The following ELF2 variants were observed in gnomAD, a reference collection of about 807,000 sequenced individuals.
The protein encoded by ELF2 is ETS-related transcription factor Elf-2.
ELF2 carries 11 observed loss-of-function variants against 54.8 expected under a neutral mutation model. That is an observed-to-expected ratio of 0.20 (90% CI 0.13 to 0.33). The LOEUF (loss-of-function observed/expected upper bound fraction) is 0.33, where lower values mean the gene tolerates loss of function less well. Among genes scored for constraint, ELF2 ranks in the 10% least tolerant of loss-of-function variants. ELF2 has a pLI of 1.00. For synonymous variants in ELF2, 203 were observed against 245.1 expected, an observed-to-expected ratio of 0.83 and a Z score of 1.61; for missense variants, 513 against 703.0, an observed-to-expected ratio of 0.73 and a Z score of 3.06.
chr4:139,102,236 A>G (rs978327065), intron 4 of ELF2: 4 of 151,996 alleles, frequency 2.6e-5, no homozygotes, highest in Admixed American at 2.6e-4. Flanking sequence ...TATAAGAAGT[A>G]TCAGGGCCGG....
In ELF2 at chr4:139,075,617, C is replaced by T. The variant is rs1451671225; in HGVS notation, c.239-2050G>A. ...ATTAATTTTTGTATTTTAGTAGAGA[C>T]GGGGTTTCACCATGTTGGCCAGGCT... On this transcript the variant is annotated intron_variant, in intron 4 of 9. Transcript: ENST00000686138. 5.3e-5 allele frequency among the ~76,000 whole-genome samples: 8 copies of T among 152,066 alleles called. No individual in the cohort carries two copies. The East Asian group carries it at 1.6e-3, about 29-fold the overall frequency.
At chr4:139,111,383 C>G (rs1476645000) in intron 4 of ELF2, among the ~76,000 whole-genome samples, 1 of 151,326 alleles carries the variant, frequency 6.6e-6, no homozygotes, top group Non-Finnish European at 1.5e-5. Flanking sequence ...CAGGGTCTTG[C>G]TTGTTTGCCC....
intron 4 of ELF2, among the ~76,000 whole-genome samples, chr4:139,086,173 A>T (rs1211658415): frequency 6.6e-6 from 1 of 151,782 alleles, no homozygotes; most frequent in East Asian, 1.9e-4. Context: ...AGAAAAATGG[A>T]AGAAAAAAGT....
chr4:139,171,748 C>A (rs1314198555), intron 1 of ELF2, among the ~76,000 whole-genome samples: 1 of 152,106 alleles, frequency 6.6e-6, no homozygotes, highest in Non-Finnish European at 1.5e-5. Flanking sequence ...CATGGTGAAA[C>A]CCCGTCTCCA....
rs1224086302 is a variant in ELF2 at position 139,084,124 on chromosome 4, T to C, written c.239-10557A>G. The C allele has an allele frequency of 3.7e-6, 6 of 1,613,314 alleles. No homozygotes were observed. In the East Asian group the frequency reaches 6.7e-5, roughly 18 times the overall value. On this transcript the variant is annotated intron_variant, in intron 4 of 9. Coordinates refer to ENST00000686138, the MANE Select transcript of ELF2 (RefSeq NM_001331036.3). ...CCGATGCACGGGAGAAAAGTTCCCC[T>C]GTCCTTACCGGCCCGGATGAGCAGA...
Position 139,057,933 on chromosome 4 carries a change from A to G in ELF2, c.*1050T>C, listed in dbSNP as rs1727253799. Reference sequence around the variant, plus strand: ...AAACAAGAGTACAACAAAATAGAATATACTTCAAATGTTGAATATACAAAC... The same window carrying G: ...AAACAAGAGTACAACAAAATAGAATGTACTTCAAATGTTGAATATACAAAC... On this transcript the variant is annotated 3_prime_UTR_variant, in exon 10 of 10. Transcript: ENST00000686138. 1 of 152,644 alleles carries G rather than the reference A, an allele frequency of 6.6e-6. No homozygotes were observed. 9.5% of individuals were successfully genotyped at this position (152,644 alleles called of 1,614,324 possible).
intron 1 of ELF2, chr4:139,155,366 T>C (rs958571529): frequency 6.6e-6 from 1 of 152,198 alleles, no homozygotes; most frequent in African/African-American, 2.4e-5. Flanking sequence ...TCAAAACTCT[T>C]ATGCTGATCA....
At chr4:139,084,383 C>T in intron 4 of ELF2, 1 of 1,452,254 alleles carries the variant, frequency 6.9e-7, no homozygotes, top group Non-Finnish European at 9.1e-7. Context: ...CGCCTCCCGC[C>T]GCCGGGCTGA....
chr4:139,150,056 G>A (rs142221240), intron 1 of ELF2, among the ~76,000 whole-genome samples: 2,379 of 151,792 alleles, frequency 0.016, 29 homozygotes, highest in Non-Finnish European at 0.022. Flanking sequence ...TTAGCTGGGC[G>A]TGGCCAGGCA....
intron 1 of ELF2, among the ~76,000 whole-genome samples, chr4:139,174,241 T>A (rs534460423): frequency 5.7e-4 from 86 of 150,386 alleles, no homozygotes; most frequent in African/African-American, 2.0e-3. Flanking sequence ...GAAAATAGAT[T>A]TTAAAAAAAA....
chr4:139,121,179 G>GTT (rs546646387), intron 4 of ELF2, among the ~76,000 whole-genome samples: 1,392 of 138,084 alleles, frequency 0.01, 12 homozygotes, highest in Non-Finnish European at 0.016. Context: ...CGCGATCTCG[G>GTT]CTCACTGCAA....
At chr4:139,112,466 G>C (rs1282255483) in intron 4 of ELF2, among the ~76,000 whole-genome samples, 1 of 152,200 alleles carries the variant, frequency 6.6e-6, no homozygotes, top group African/African-American at 2.4e-5. Context: ...CTGGGACATT[G>C]CAGGTCCTCA....
chr4:139,135,934 G>T (rs992026726), intron 3 of ELF2, among the ~76,000 whole-genome samples: 6 of 152,182 alleles, frequency 3.9e-5, no homozygotes, highest in African/African-American at 9.7e-5. Context: ...AAAATATAAG[G>T]AGTATTCCAG....
intron 9 of ELF2, among the ~76,000 whole-genome samples, 154 bp downstream of exon 9, chr4:139,060,170 A>G (rs1727620342): frequency 6.6e-6 from 1 of 152,206 alleles, no homozygotes; most frequent in Non-Finnish European, 1.5e-5. Flanking sequence ...TTTAACAACA[A>G]TAAAAAATAT....
At chr4:139,124,612 T>A (rs1282525941) in intron 4 of ELF2, among the ~76,000 whole-genome samples, 4 of 152,216 alleles carry the variant, frequency 2.6e-5, no homozygotes, top group Non-Finnish European at 5.9e-5. Context: ...CTAAGAATTA[T>A]AGATACTAAT....
chr4:139,170,310 G>GCTGGA (rs1288206062), intron 1 of ELF2, among the ~76,000 whole-genome samples: 2 of 130,314 alleles, frequency 1.5e-5, no homozygotes, highest in Non-Finnish European at 3.1e-5. Context: ...TGTTGCCCAG[G>GCTGGA]CTGGAGTGCA....
intron 1 of ELF2, among the ~76,000 whole-genome samples, chr4:139,175,133 G>A (rs1742775256): frequency 6.6e-6 from 1 of 152,150 alleles, no homozygotes; most frequent in East Asian, 1.9e-4. Flanking sequence ...ATATCATCGT[G>A]AAGCTGTTAC....
chr4:139,136,199 G>T (rs1204698565), intron 3 of ELF2, among the ~76,000 whole-genome samples: 2 of 152,152 alleles, frequency 1.3e-5, no homozygotes, highest in Non-Finnish European at 1.5e-5. Context: ...TGAATCTTGA[G>T]GGAAGAAATA....
At chr4:139,083,438 G>T (rs1167525345) in intron 4 of ELF2, among the ~76,000 whole-genome samples, 1 of 152,318 alleles carries the variant, frequency 6.6e-6, no homozygotes, top group African/African-American at 2.4e-5. Flanking sequence ...AGCAAAGGGA[G>T]GCGGGCCCCT....
Sources: gnomAD v4.1 joint callset for allele counts (sites outside exome capture counted in the v4.1 genomes callset) on GRCh38, gnomAD v4.1.1 for gene constraint, MANE v1.5 for transcripts, NCBI Gene and HGNC (gene_info 2026-07-23, HGNC 2026-07-21) for gene names.